The following KASH5 variants were observed in gnomAD, a reference collection of about 807,000 sequenced individuals.
The protein encoded by KASH5 is protein KASH5.
In KASH5, 72 loss-of-function variants were observed where a neutral mutation model predicts 84.2. The observed-to-expected ratio is 0.85, with a 90% CI of 0.71 to 1.04. KASH5 has a LOEUF of 1.04. Ranked by LOEUF, KASH5 falls within the 50% of genes least tolerant of loss-of-function variation. The pLI is 0.00. For synonymous variants in KASH5, 260 were observed against 279.1 expected (o/e 0.93, Z 0.68); for missense variants, 650 against 701.0 (o/e 0.93, Z 0.82).
rs1260538234 is a variant in KASH5, at chr19:49,409,892, C to T, written c.1269+17C>T. ...GGGGGACAGGTGAGCACAGGAAAAG[C>T]TCTGAAGTCCAGGAGCTGGAAAGGG... is the stretch of plus-strand genomic sequence containing the variant. On this transcript the variant is annotated intron_variant, in intron 15 of 19. Transcript: ENST00000447857. The T allele has an allele frequency of 6.2e-7, 1 of 1,611,998 alleles. No individual in the cohort carries two copies. The highest frequency in any genetic ancestry group is 1.7e-5 in the Admixed American group (1 of 59,924).
intron 5 of KASH5, 67 bp from the exon 6 acceptor site, chr19:49,397,584 A>G: frequency 6.8e-7 from 1 of 1,461,106 alleles, no homozygotes; most frequent in South Asian, 1.1e-5. Flanking sequence ...CCAACCTCAG[A>G]GCCCTGGGGC....
At chr19:49,410,273 G>C (rs1974667767) in intron 15 of KASH5, among the ~76,000 whole-genome samples, 1 of 152,166 alleles carries the variant, frequency 6.6e-6, no homozygotes, top group Non-Finnish European at 1.5e-5. Flanking sequence ...GCACCTTTAA[G>C]AAAAGCCAGC....
At position 49,395,141 on chromosome 19, in the gene KASH5, G is replaced by A. The variant is rs1197359261; in HGVS notation, c.184G>A (p.Glu62Lys). Residue 62 changes from glutamate (E) to lysine (K), a missense_variant, in exon 4 of 20, where the codon GAG (glutamate) becomes AAG (lysine). Coordinates refer to ENST00000447857, the MANE Select transcript of KASH5 (RefSeq NM_144688.5). The surrounding 1 kb of genome is among the most constrained non-coding windows in gnomAD (Gnocchi z 4.4). Reference sequence around the variant, plus strand: ...TGTGGCCCAGGTGCTGGCCTACCTGGAGGCTGTGACAGGCCAGGGCCCCCA... The same window carrying A: ...TGTGGCCCAGGTGCTGGCCTACCTGAAGGCTGTGACAGGCCAGGGCCCCCA... ...VAVAQVLAYL[E>K]AVTGQGPQDA... is the part of the protein sequence containing the mutation. 3 of 1,611,826 alleles carry A rather than the reference G, an allele frequency of 1.9e-6. No homozygotes were observed. Among genetic ancestry groups the A allele is most frequent in the Admixed American group, 3.4e-5 (2 of 59,628 alleles).
At chr19:49,403,983 G>A (rs961153005) in intron 9 of KASH5, among the ~76,000 whole-genome samples, 15 of 152,274 alleles carry the variant, frequency 9.9e-5, no homozygotes, top group African/African-American at 3.4e-4. Context: ...TTCCTGTGGA[G>A]AACCTACAGA....
chr19:49,409,337 A>G, intron 14 of KASH5, 54 bp downstream of exon 14: 1 of 1,545,130 alleles, frequency 6.5e-7, no homozygotes. Context: ...GAATCTCCAA[A>G]CATCTCCCTA....
chr19:49,415,184 G>A (rs1974863709), intron 17 of KASH5, 188 bp downstream of exon 17: 1 of 655,782 alleles, frequency 1.5e-6, no homozygotes, highest in Middle Eastern at 2.6e-4. Flanking sequence ...GGTGGGGGGA[G>A]GCCTGGAGGC....
At position 49,395,222 on chromosome 19, in the gene KASH5, A is replaced by C. The variant is rs1486810299; in HGVS notation, c.265A>C (p.Lys89Gln). The change falls in exon 4 of 20, where the codon AAG becomes CAG. Residue 89 changes from lysine to glutamine, a missense_variant. Transcript: ENST00000447857. This position sits in a 1 kb window ranked among gnomAD's most constrained non-coding sequence, Gnocchi z 4.4. ...NSLDPNGEGP[K>Q]ATVDLDTFLV... The stretch of plus-strand genomic sequence containing the variant: ...CCTGGACCCCAATGGGGAGGGCCCT[A>C]AGGCCACTGTGGACTTGGACACTTT... The C allele has an allele frequency of 6.2e-7, 1 of 1,612,774 alleles. No homozygotes were observed. Among genetic ancestry groups the C allele is most frequent in the South Asian group, 1.1e-5 (1 of 90,968 alleles).
intron 7 of KASH5, 28 bp downstream of exon 7, chr19:49,398,171 C>T (rs1023999329): frequency 6.5e-7 from 1 of 1,539,222 alleles, no homozygotes. Flanking sequence ...CCCACCCTCC[C>T]CAGCGCCCCT....
Position 49,394,466 on chromosome 19 carries a change from G to A in KASH5, c.44-10G>A. On this transcript the variant is annotated splice_polypyrimidine_tract_variant and intron_variant, in intron 2 of 19. Coordinates refer to ENST00000447857, the MANE Select transcript of KASH5 (RefSeq NM_144688.5). ...TCCCACTGGTGAGCTGAGCCCTCTT[G>A]TCTCCCCAGTGTACCTCCGGGAGCG... 1 of 1,610,700 alleles carries A rather than the reference G, an allele frequency of 6.2e-7. No individual in the cohort carries two copies. The highest frequency in any genetic ancestry group is 8.5e-7 in the Non-Finnish European group (1 of 1,177,104).
intron 9 of KASH5, 106 bp from the exon 10 acceptor site, chr19:49,406,780 A>G: frequency 1.0e-6 from 1 of 964,932 alleles, no homozygotes; most frequent in Non-Finnish European, 1.6e-6. Context: ...TGAAGTGCTT[A>G]GCATGAGGCC....
At chr19:49,403,628 T>G (rs557707749) in intron 9 of KASH5, among the ~76,000 whole-genome samples, 25 of 152,296 alleles carry the variant, frequency 1.6e-4, no homozygotes, top group African/African-American at 6.0e-4. Context: ...TCTGCCAAGA[T>G]TTCCACCTTG....
chr19:49,409,823 A>C lies in KASH5; in HGVS notation c.1217A>C (p.His406Pro). 6.2e-7 allele frequency: 1 copy of C among 1,613,984 alleles called. No homozygotes were observed. ...GTGTGGCAGTGGGAGGAAGTCATCC[A>C]TGAGACCAGTGAGGAAACTGAGTTT... ...CGVWQWEEVI[H>P]ETSEETEFPS... Residue 406 changes from histidine to proline, a missense_variant, in exon 15 of 20, where the codon CAT (histidine) becomes CCT (proline). Coordinates refer to ENST00000447857, the MANE Select transcript of KASH5 (RefSeq NM_144688.5).
At position 49,399,581 on chromosome 19, in the gene KASH5, C is replaced by T; in HGVS notation, c.798+74C>T. 6.4e-7 allele frequency: 1 copy of T among 1,554,502 alleles called. No individual in the cohort carries two copies. On this transcript the variant is annotated intron_variant, in intron 9 of 19. Transcript: ENST00000447857. This position sits in a 1 kb window ranked among gnomAD's most constrained non-coding sequence, Gnocchi z 4.4. Reference sequence around the variant, plus strand: ...TCTTCTTGACACCACTCCCTTCTGCCCCCAACACCCCAGCAGCCTGTCTTG... The same window carrying T: ...TCTTCTTGACACCACTCCCTTCTGCTCCCAACACCCCAGCAGCCTGTCTTG...
At chr19:49,397,423 G>A (rs147253073) in intron 5 of KASH5, among the ~76,000 whole-genome samples, 3 of 152,272 alleles carry the variant, frequency 2.0e-5, no homozygotes, top group Non-Finnish European at 4.4e-5. Flanking sequence ...AGTGTTGGGT[G>A]TAAAGAATGT....
intron 7 of KASH5, among the ~76,000 whole-genome samples, chr19:49,398,374 T>C (rs1300296776): frequency 1.4e-5 from 2 of 146,612 alleles, no homozygotes; most frequent in South Asian, 2.1e-4. Flanking sequence ...CTCTCTCTCT[T>C]TTTTTTTTTT....
chr19:49,407,473 C>A, intron 11 of KASH5, 139 bp from the exon 12 acceptor site: 2 of 1,101,942 alleles, frequency 1.8e-6, no homozygotes, highest in Non-Finnish European at 2.7e-6. Context: ...GCCCTTCTGC[C>A]CGGTGCTCTC....
In KASH5 at chr19:49,409,734, G is replaced by C. The variant is rs757184832; in HGVS notation, c.1147-19G>C. On this transcript the variant is annotated intron_variant, in intron 14 of 19. Coordinates refer to ENST00000447857, the MANE Select transcript of KASH5 (RefSeq NM_144688.5). Reference sequence around the variant, plus strand: ...CTTAATATGGCTCTCCCTGACCTCGGAAACAACTTCTGTCCCAGAAACAGG... The same window carrying C: ...CTTAATATGGCTCTCCCTGACCTCGCAAACAACTTCTGTCCCAGAAACAGG... 1 of 1,613,700 alleles carries C rather than the reference G, an allele frequency of 6.2e-7. No homozygotes were observed. The highest frequency in any genetic ancestry group is 1.7e-5 in the Admixed American group (1 of 60,012).
At chr19:49,396,211 C>A (rs1974171391) in intron 5 of KASH5, among the ~76,000 whole-genome samples, 1 of 151,088 alleles carries the variant, frequency 6.6e-6, no homozygotes, top group African/African-American at 2.4e-5. Flanking sequence ...TCAGGCTGTT[C>A]CCCTCCACTC....
chr19:49,397,579 C>T (rs78318811), intron 5 of KASH5, 72 bp from the exon 6 acceptor site: 48,499 of 1,436,692 alleles, frequency 0.034, 1,032 homozygotes, highest in Admixed American at 0.077. Context: ...GGAGTCCAAC[C>T]TCAGAGCCCT....
Sources: allele counts gnomAD v4.1 joint callset (sites outside exome capture counted in the v4.1 genomes callset), GRCh38; gene constraint gnomAD v4.1.1; non-coding constraint Gnocchi (gnomAD v3.1); transcripts MANE v1.5; gene names NCBI Gene and HGNC (gene_info 2026-07-23, HGNC 2026-07-21).